The following WNT3 variants were observed in gnomAD, a reference collection of about 807,000 sequenced individuals.
WNT3 encodes proto-oncogene Wnt-3.
In WNT3, 7 loss-of-function variants were observed where a neutral mutation model predicts 34.2. The observed-to-expected ratio is 0.20, with a 90% CI of 0.12 to 0.38. The LOEUF (loss-of-function observed/expected upper bound fraction) is 0.38. Ranked by LOEUF, WNT3 falls within the 10% of genes least tolerant of loss-of-function variation. The pLI, the probability that WNT3 is intolerant of heterozygous loss-of-function variation, is 1.00. For synonymous variants in WNT3, 212 were observed against 211.5 expected (o/e 1.00, Z -0.02); for missense variants, 267 against 499.8 (o/e 0.53, Z 4.44).
chr17:46,783,946 C>T (rs1049314480), intron 1 of WNT3, among the ~76,000 whole-genome samples: 2 of 152,152 alleles, frequency 1.3e-5, no homozygotes, highest in African/African-American at 4.8e-5. Flanking sequence ...CAAAATGAGA[C>T]AAGAGGTGGG....
chr17:46,807,449 T>C (rs1298672355), intron 1 of WNT3, among the ~76,000 whole-genome samples: 1 of 152,154 alleles, frequency 6.6e-6, no homozygotes, highest in Non-Finnish European at 1.5e-5. Context: ...GCTACTGCAC[T>C]CCAGCCTGGG....
intron 1 of WNT3, among the ~76,000 whole-genome samples, chr17:46,813,056 C>T (rs537271583): frequency 3.3e-5 from 5 of 151,978 alleles, no homozygotes; most frequent in South Asian, 4.2e-4. Context: ...GTGTTTGGGG[C>T]GAGGTTTGGA....
At chr17:46,792,607 G>A (rs932632477) in intron 1 of WNT3, among the ~76,000 whole-genome samples, 1 of 152,078 alleles carries the variant, frequency 6.6e-6, no homozygotes, top group Admixed American at 6.6e-5. Flanking sequence ...CCGAGTAGCT[G>A]GGACTATAGG....
At position 46,769,780 on chromosome 17, in the gene WNT3, C is replaced by T. The variant is rs377696182; in HGVS notation, c.588+3G>A. On this transcript the variant is annotated splice_donor_region_variant and intron_variant, in intron 3 of 4. Coordinates refer to ENST00000225512, the MANE Select transcript of WNT3 (RefSeq NM_030753.5). ...AGGGTTTGGGGAGGGTAGCCGGGCT[C>T]ACCGTGCGGCCCGCCTCGTTGTTGT... 10 of 1,610,390 alleles carry T rather than the reference C, an allele frequency of 6.2e-6. No individual in the cohort carries two copies. Among genetic ancestry groups the T allele is most frequent in the Middle Eastern group, 1.7e-4 (1 of 6,034 alleles).
At chr17:46,815,138 G>C (rs1197766134) in intron 1 of WNT3, among the ~76,000 whole-genome samples, 1 of 152,060 alleles carries the variant, frequency 6.6e-6, no homozygotes, top group African/African-American at 2.4e-5. Context: ...CAGGTGCTGG[G>C]CTAGGCCCTA....
chr17:46,806,214 T>C (rs1415800530), intron 1 of WNT3, among the ~76,000 whole-genome samples: 1 of 144,888 alleles, frequency 6.9e-6, no homozygotes, highest in African/African-American at 2.5e-5. Context: ...TTCCTTTTTT[T>C]TTTTTTTTTT....
At chr17:46,799,158 G>C (rs1486179803) in intron 1 of WNT3, among the ~76,000 whole-genome samples, 1 of 151,866 alleles carries the variant, frequency 6.6e-6, no homozygotes, top group Middle Eastern at 3.5e-3. Context: ...ATACCAGAAC[G>C]CAAGGTCATG....
intron 1 of WNT3, among the ~76,000 whole-genome samples, chr17:46,779,950 G>C (rs1403978299): frequency 1.3e-5 from 2 of 152,252 alleles, no homozygotes; most frequent in Non-Finnish European, 2.9e-5. Context: ...GTAGAGACAG[G>C]GTTTCGCAAT....
chr17:46,803,698 G>A (rs996267320), intron 1 of WNT3, among the ~76,000 whole-genome samples: 2 of 152,188 alleles, frequency 1.3e-5, no homozygotes, highest in African/African-American at 4.8e-5. Context: ...ATCCCATGCT[G>A]GAGGCCCCAG....
At chr17:46,797,890 A>G (rs1398076838) in intron 1 of WNT3, among the ~76,000 whole-genome samples, 1 of 152,194 alleles carries the variant, frequency 6.6e-6, no homozygotes, top group Non-Finnish European at 1.5e-5. Context: ...TAGGCAAAAT[A>G]AAACATTTCA....
chr17:46,769,671 G>A lies in WNT3; in HGVS notation c.588+112C>T, dbSNP rs2059346212. ...GGCCAAGCCTGGCCAAGGGGAAAAG[G>A]AGCCCGCGACCCACAGGGCTGCCGG... On this transcript the variant is annotated intron_variant, in intron 3 of 4. Coordinates refer to ENST00000225512, the MANE Select transcript of WNT3 (RefSeq NM_030753.5). 11 of 1,445,412 alleles carry A rather than the reference G, an allele frequency of 7.6e-6. No individual in the cohort carries two copies. The South Asian group carries it at 1.3e-4, about 17-fold the overall frequency. 89.5% of individuals were successfully genotyped at this position (1,445,412 alleles called of 1,614,324 possible).
rs565840658 is a variant in WNT3 at position 46,790,841 on chromosome 17, A to G, written c.81-16932T>C. Among the ~76,000 whole-genome samples, 109 of 152,296 alleles carry G rather than the reference A, an allele frequency of 7.2e-4. 1 individual carries two copies. The highest frequency in any genetic ancestry group is 2.6e-3 in the African/African-American group (107 of 41,556). ...AGGCCGGCTACTGCGCTCGCGTTTTATGTGCGTTCCAAAACACACGCTCAC... is the reference window on the plus strand; with the variant it reads ...AGGCCGGCTACTGCGCTCGCGTTTTGTGTGCGTTCCAAAACACACGCTCAC... On this transcript the variant is annotated intron_variant, in intron 1 of 4. Transcript: ENST00000225512.
In WNT3 at chr17:46,762,877, T is replaced by C. The variant is rs1017401473; in HGVS notation, c.*1753A>G. 2 of 152,222 alleles carry C rather than the reference T, an allele frequency of 1.3e-5. No individual in the cohort carries two copies. The highest frequency in any genetic ancestry group is 4.8e-5 in the African/African-American group (2 of 41,454). 9.4% of individuals were successfully genotyped at this position (152,222 alleles called of 1,614,324 possible). A position where few individuals can be genotyped will look rare whatever the true frequency, so the allele number is the denominator to read the frequency against. On this transcript the variant is annotated 3_prime_UTR_variant, in exon 5 of 5. Transcript: ENST00000225512. ...TTTATCACTTTTAATATAGAATACA[T>C]AGATATGAAAAGATTGTTTTGAAAA... is the stretch of plus-strand genomic sequence containing the variant.
intron 1 of WNT3, among the ~76,000 whole-genome samples, chr17:46,811,839 C>T (rs1283642637): frequency 1.3e-5 from 2 of 152,154 alleles, no homozygotes; most frequent in Non-Finnish European, 2.9e-5. Flanking sequence ...CACCTGTAAT[C>T]CCAGCTACTC....
chr17:46,768,332 G>A lies in WNT3; in HGVS notation c.1056C>T (p.His352=). The change falls in exon 4 of 5, where the codon CAC becomes CAT. Residue 352 remains histidine (H), a synonymous_variant. Coordinates refer to ENST00000225512, the MANE Select transcript of WNT3 (RefSeq NM_030753.5). The surrounding 1 kb of genome is among the most constrained non-coding windows in gnomAD (Gnocchi z 5.0). ...CCTACCTGGTGCCCTACTTGCAGGTGTGCACGTCGTAGATGCGAATACACT... is the reference window on the plus strand; with the variant it reads ...CCTACCTGGTGCCCTACTTGCAGGTATGCACGTCGTAGATGCGAATACACT... The part of the protein sequence containing the change: ...CQECIRIYDV[H]TCK 6.2e-7 allele frequency: 1 copy of A among 1,613,694 alleles called. No individual in the cohort carries two copies. Among genetic ancestry groups the A allele is most frequent in the Non-Finnish European group, 8.5e-7 (1 of 1,180,050 alleles).
At chr17:46,803,086 A>G (rs2084146998) in intron 1 of WNT3, among the ~76,000 whole-genome samples, 1 of 152,186 alleles carries the variant, frequency 6.6e-6, no homozygotes, top group Non-Finnish European at 1.5e-5. Context: ...TCAGAATTGA[A>G]TTGGATTAGA....
chr17:46,786,799 C>G (rs1378276757), intron 1 of WNT3, among the ~76,000 whole-genome samples: 2 of 152,168 alleles, frequency 1.3e-5, no homozygotes, highest in Non-Finnish European at 2.9e-5. Context: ...TACAGCTCCC[C>G]CTAAATGTCT....
intron 1 of WNT3, among the ~76,000 whole-genome samples, chr17:46,788,653 T>C (rs1165863614): frequency 2.0e-5 from 3 of 152,174 alleles, no homozygotes; most frequent in Admixed American, 1.3e-4. Context: ...ACCGACTCCA[T>C]TGATGGTGAG....
At chr17:46,791,360 T>C (rs9909662) in intron 1 of WNT3, among the ~76,000 whole-genome samples, 22,324 of 152,014 alleles carry the variant, frequency 0.15, 2,047 homozygotes, top group African/African-American at 0.26. Context: ...AGGACCACCA[T>C]ACCTGGCTAA....
Sources: allele counts gnomAD v4.1 joint callset (sites outside exome capture counted in the v4.1 genomes callset), GRCh38; gene constraint gnomAD v4.1.1; non-coding constraint Gnocchi (gnomAD v3.1); transcripts MANE v1.5; gene names NCBI Gene and HGNC (gene_info 2026-07-23, HGNC 2026-07-21).